Variants in LPA observed in about 807,000 individuals in gnomAD.
LPA encodes lipoprotein(a), also known as apolipoprotein(a).
A neutral mutation model predicts 197.9 loss-of-function variants in LPA; 199 were observed. The observed-to-expected ratio is 1.01, with a 90% CI of 0.90 to 1.13. The LOEUF is 1.13. Ranked by LOEUF, LPA falls within the 50% of genes most tolerant of loss-of-function variation. The probability of loss-of-function intolerance (pLI) is 0.00; values close to 1 mark genes in which losing one functional copy is unlikely to be tolerated. For synonymous variants in LPA, 715 were observed against 639.5 expected (o/e 1.12, Z -1.78); for missense variants, 1,853 against 1,785.8 (o/e 1.04, Z -0.68).
At chr6:160,610,307 G>T (rs1287507969) in intron 16 of LPA, among the ~76,000 whole-genome samples, 1 of 152,114 alleles carries the variant, frequency 6.6e-6, no homozygotes, top group Non-Finnish European at 1.5e-5. Flanking sequence ...CCCATTTGAT[G>T]CTTGGACACT....
intron 28 of LPA, among the ~76,000 whole-genome samples, chr6:160,558,312 TG>T (rs1483106728): frequency 6.6e-6 from 1 of 152,178 alleles, no homozygotes; most frequent in Non-Finnish European, 1.5e-5. Flanking sequence ...AAATTGTAAC[TG>T]ATATATATTA....
chr6:160,582,310 T>A (rs1392919300), intron 26 of LPA, among the ~76,000 whole-genome samples: 1 of 152,052 alleles, frequency 6.6e-6, no homozygotes, highest in Non-Finnish European at 1.5e-5. Context: ...TCTGATTTTA[T>A]CTTGTTTTCC....
At position 160,595,352 on chromosome 6, in the gene LPA, A is replaced by G; in HGVS notation, c.3469+2T>C. The G allele has an allele frequency of 6.2e-7, 1 of 1,611,872 alleles. No homozygotes were observed. The highest frequency in any genetic ancestry group is 8.5e-7 in the Non-Finnish European group (1 of 1,179,834). Reference sequence around the variant, plus strand: ...GTGGTTGTCTGGCCATAGACTTCCTACCTTCTTCAGAAGAAGCCTCTGTGC... The same window carrying G: ...GTGGTTGTCTGGCCATAGACTTCCTGCCTTCTTCAGAAGAAGCCTCTGTGC... On this transcript the variant is annotated splice_donor_variant, in intron 21 of 38. Transcript: ENST00000316300. LOFTEE classifies it high-confidence loss of function.
chr6:160,594,051 G>A lies in LPA; in HGVS notation c.3536C>T (p.Ser1179Leu), dbSNP rs949983556. ...YHGDGQSYRG[S>L]FSTTVTGRTC... ...CCTTCCTGTGACAGTGGTAGAGAAT[G>A]AGCCTCGATAACTCTGTCCATCACC... The change falls in exon 22 of 39, where the codon TCA becomes TTA. Residue 1179 changes from serine (S) to leucine (L), a missense_variant. By Grantham distance (145) the Ser-to-Leu change is moderately radical. Coordinates refer to ENST00000316300, the MANE Select transcript of LPA (RefSeq NM_005577.4). The A allele has an allele frequency of 6.2e-7, 1 of 1,613,984 alleles. No homozygotes were observed. Among genetic ancestry groups the A allele is most frequent in the Non-Finnish European group, 8.5e-7 (1 of 1,179,876 alleles).
rs756443521 is a variant in LPA at position 160,540,167 on chromosome 6, A to G, written c.5611T>C (p.Ser1871Pro). ...TGTGCACCCAGGATGACCTTGTAGG[A>G]TGAAGGCCTTGAGGACCTAGAAAAG... ...HCLKKSSRPSSYKVILGAHQE... is the reference protein window; with the variant it reads ...HCLKKSSRPSPYKVILGAHQE... Residue 1871 changes from serine (S) to proline (P), a missense_variant, in exon 36 of 39, where the codon TCC (serine) becomes CCC (proline). Physicochemically the swap from Ser to Pro is moderately conservative, Grantham distance 74 (BLOSUM62 -1). Transcript: ENST00000316300. The G allele has an allele frequency of 6.2e-7, 1 of 1,614,170 alleles. No homozygotes were observed. The highest frequency in any genetic ancestry group is 1.7e-5 in the Admixed American group (1 of 60,028).
At chr6:160,542,632 G>T (rs1777998953) in intron 34 of LPA, 56 bp downstream of exon 34, 1 of 1,610,396 alleles carries the variant, frequency 6.2e-7, no homozygotes, top group South Asian at 1.1e-5. Flanking sequence ...ATGTAGAAGG[G>T]TTTTGTGGGG....
intron 28 of LPA, among the ~76,000 whole-genome samples, chr6:160,576,394 A>ATATATATACATATATATATATATATGTG (rs1778673008): frequency 3.2e-4 from 17 of 53,776 alleles, no homozygotes; most frequent in South Asian, 2.7e-3. Context: ...ATATATGTAT[A>ATATATATACATATATATATATATATGTG]TATATATATA....
At chr6:160,557,964 G>C (rs1778294855) in intron 28 of LPA, among the ~76,000 whole-genome samples, 1 of 150,762 alleles carries the variant, frequency 6.6e-6, no homozygotes, top group Non-Finnish European at 1.5e-5. Context: ...CTGTCGCCCA[G>C]ACTGGAGTGC....
chr6:160,594,510 T>A (rs1441939718), intron 21 of LPA, among the ~76,000 whole-genome samples: 1 of 152,162 alleles, frequency 6.6e-6, no homozygotes, highest in African/African-American at 2.4e-5. Context: ...CATGAAACCG[T>A]CACACATTTC....
At chr6:160,557,350 A>G (rs1301835900) in intron 29 of LPA, 40 bp downstream of exon 29, 4 of 1,607,622 alleles carry the variant, frequency 2.5e-6, no homozygotes, top group South Asian at 2.2e-5. Context: ...TTTTCATCCC[A>G]ATGTTCAAAT....
intron 28 of LPA, among the ~76,000 whole-genome samples, chr6:160,575,453 C>T (rs1778638500): frequency 6.6e-6 from 1 of 152,140 alleles, no homozygotes; most frequent in Admixed American, 6.5e-5. Flanking sequence ...ATTGTGGATG[C>T]CAGATAACTG....
At position 160,545,240 on chromosome 6, in the gene LPA, C is replaced by T. The variant is rs534629262; in HGVS notation, c.5398+200G>A. Among the ~76,000 whole-genome samples, 12 of 151,254 alleles carry T rather than the reference C, an allele frequency of 7.9e-5. No individual in the cohort carries two copies. The South Asian group carries it at 2.1e-3, about 27-fold the overall frequency. On this transcript the variant is annotated intron_variant, in intron 33 of 38. Transcript: ENST00000316300. ...ATTTATGTGTGTGTGGTGGGAGGGGCGGGTGTTTTCCTAACAAATGGGGCC... is the reference window on the plus strand; with the variant it reads ...ATTTATGTGTGTGTGGTGGGAGGGGTGGGTGTTTTCCTAACAAATGGGGCC...
chr6:160,542,738 C>T lies in LPA; in HGVS notation c.5469G>A (p.Gly1823=). 1 of 1,613,444 alleles carries T rather than the reference C, an allele frequency of 6.2e-7. No individual in the cohort carries two copies. Among genetic ancestry groups the T allele is most frequent in the Non-Finnish European group, 8.5e-7 (1 of 1,179,858 alleles). The change falls in exon 34 of 39, where the codon GGG becomes GGA. Residue 1823 remains glycine, a synonymous_variant. Transcript: ENST00000316300. Reference sequence around the variant, plus strand: ...GCCAGGAATGTGGGTGGGCCACACACCCCCCTACAATGCTTCCAGGACATT... The same window carrying T: ...GCCAGGAATGTGGGTGGGCCACACATCCCCCTACAATGCTTCCAGGACATT... ...PKKCPGSIVG[G]CVAHPHSWPW...
Position 160,555,294 on chromosome 6 carries a change from A to AGTGTGTGT in LPA, c.4973+723_4973+730dup, listed in dbSNP as rs10552460. Among the ~76,000 whole-genome samples the AGTGTGTGT allele has an allele frequency of 4.5e-5, 6 of 133,866 alleles. No homozygotes were observed. The East Asian group carries it at 1.1e-3, about 24-fold the overall frequency. 87.8% of individuals were successfully genotyped at this position (133,866 alleles called of 152,430 possible). The stretch of plus-strand genomic sequence containing the variant: ...ATTATATTATATTATATTATATGTT[A>AGTGTGTGT]GTGTGTGTGTGTGTGTGTGTGTGTG... On this transcript the variant is annotated intron_variant, in intron 30 of 38. Transcript: ENST00000316300.
chr6:160,593,746 T>C (rs1246760603), intron 22 of LPA, among the ~76,000 whole-genome samples: 1 of 152,148 alleles, frequency 6.6e-6, no homozygotes. Context: ...CCTTCAAATA[T>C]CCTCCTGCTT....
intron 26 of LPA, among the ~76,000 whole-genome samples, chr6:160,581,039 C>T (rs1778785272): frequency 6.6e-6 from 1 of 151,580 alleles, no homozygotes; most frequent in African/African-American, 2.4e-5. Context: ...ATTTCAGCCT[C>T]AGAATTAGCT....
intron 28 of LPA, among the ~76,000 whole-genome samples, chr6:160,576,917 C>T (rs914971237): frequency 6.6e-5 from 10 of 151,970 alleles, no homozygotes; most frequent in African/African-American, 2.2e-4. Flanking sequence ...TCGCCACTTC[C>T]GTATATTCTA....
At chr6:160,607,059 C>T (rs551727045) in intron 16 of LPA, among the ~76,000 whole-genome samples, 21 of 151,886 alleles carry the variant, frequency 1.4e-4, no homozygotes, top group Middle Eastern at 3.4e-3. Flanking sequence ...TCTAGTTCTC[C>T]GTATCTCTCT....
chr6:160,531,782 C>T lies in LPA; in HGVS notation c.6070G>A (p.Ala2024Thr). ...CARPNKPGVY[A>T]RVSRFVTWIE... ...CAAGTAACAAACCTTGAAACACGAG[C>T]ATAGACACCAGGCTTATTGGGGCGT... is the stretch of plus-strand genomic sequence containing the variant. Residue 2024 changes from alanine to threonine, a missense_variant, in exon 39 of 39, where the codon GCT (alanine) becomes ACT (threonine). By Grantham distance (58) the Ala-to-Thr change is moderately conservative. Transcript: ENST00000316300. 1.2e-6 allele frequency: 2 copies of T among 1,614,132 alleles called. No homozygotes were observed. The highest frequency in any genetic ancestry group is 1.7e-6 in the Non-Finnish European group (2 of 1,180,000).
Sources: allele counts gnomAD v4.1 joint callset (sites outside exome capture counted in the v4.1 genomes callset), GRCh38; gene constraint gnomAD v4.1.1; transcripts MANE v1.5; gene names NCBI Gene and HGNC (gene_info 2026-07-23, HGNC 2026-07-21).